CDH4: variants seen among roughly 807,000 people sequenced by gnomAD.
The protein encoded by CDH4 is cadherin-4.
Under a neutral mutation model 86.0 loss-of-function variants are expected in CDH4, and 33 were observed. That is an observed-to-expected ratio of 0.38 (90% confidence interval 0.29 to 0.51). The LOEUF (loss-of-function observed/expected upper bound fraction) is 0.51, where lower values mean the gene tolerates loss of function less well. CDH4 is among the 20% of genes least tolerant of loss of function. The probability of loss-of-function intolerance (pLI) is 0.86; values close to 1 mark genes in which losing one functional copy is unlikely to be tolerated. For missense variants in CDH4, 1,114 were observed against 1,307.4 expected (o/e 0.85, Z 2.28); for synonymous variants, 555 against 549.4 (o/e 1.01, Z -0.14).
intron 6 of CDH4, 92 bp from the exon 7 acceptor site, chr20:61,873,636 G>C: frequency 5.8e-6 from 8 of 1,380,052 alleles, no homozygotes; most frequent in South Asian, 1.3e-5. Flanking sequence ...CTCACGGAGA[G>C]CTCTGTGGTC....
At chr20:61,936,255 CCACACCACCCCTTGCCCTCTCCCA>C (rs1238191142) in intron 15 of CDH4, among the ~76,000 whole-genome samples, 2 of 148,084 alleles carry the variant, frequency 1.4e-5, no homozygotes, top group Non-Finnish European at 3.0e-5. Flanking sequence ...CTCACCTCCC[CCACACCACCCCTTGCCCTCTCCCA>C]CACCCCCCTG....
At chr20:61,418,257 C>G (rs150051762) in intron 2 of CDH4, among the ~76,000 whole-genome samples, 12,435 of 147,720 alleles carry the variant, frequency 0.084, 679 homozygotes, top group African/African-American at 0.16. Context: ...GTCCCCCAGG[C>G]TGGACTGCAG....
chr20:61,275,279 A>G (rs1348315143), intron 2 of CDH4, among the ~76,000 whole-genome samples: 3 of 113,790 alleles, frequency 2.6e-5, no homozygotes, highest in Non-Finnish European at 5.1e-5. Flanking sequence ...CACCATGCGC[A>G]GTTGGGGGGA....
At position 61,326,047 on chromosome 20, in the gene CDH4, A is replaced by G. The variant is rs544793737; in HGVS notation, c.169+71110A>G. On this transcript the variant is annotated intron_variant, in intron 2 of 15. Coordinates refer to ENST00000614565, the MANE Select transcript of CDH4 (RefSeq NM_001794.5). Reference sequence around the variant, plus strand: ...TACCCGTGATAGTAGTGGGAGTGGAACTCACTGTAACTACATTTTCCCTTC... The same window carrying G: ...TACCCGTGATAGTAGTGGGAGTGGAGCTCACTGTAACTACATTTTCCCTTC... Among the ~76,000 whole-genome samples, 9 of 152,312 alleles carry G rather than the reference A, an allele frequency of 5.9e-5. No individual in the cohort carries two copies. The East Asian group carries it at 1.7e-3, about 29-fold the overall frequency.
At chr20:61,379,216 C>A (rs1433682820) in intron 2 of CDH4, among the ~76,000 whole-genome samples, 2 of 152,010 alleles carry the variant, frequency 1.3e-5, no homozygotes, top group African/African-American at 4.8e-5. Context: ...AGATCTGCTC[C>A]TCGGAAGGGT....
At chr20:61,318,899 G>T (rs76061779) in intron 2 of CDH4, among the ~76,000 whole-genome samples, 1 of 152,290 alleles carries the variant, frequency 6.6e-6, no homozygotes. Flanking sequence ...CACAGATGCC[G>T]GTGGTAGAGA....
At chr20:61,365,545 A>C (rs1325082914) in intron 2 of CDH4, among the ~76,000 whole-genome samples, 1 of 151,946 alleles carries the variant, frequency 6.6e-6, no homozygotes, top group African/African-American at 2.4e-5. Flanking sequence ...GGGGGTAATG[A>C]GGGTGTGGAG....
intron 2 of CDH4, among the ~76,000 whole-genome samples, chr20:61,397,933 G>A (rs1185576272): frequency 6.6e-6 from 1 of 152,196 alleles, no homozygotes; most frequent in Non-Finnish European, 1.5e-5. Flanking sequence ...GTGTACAGAA[G>A]GGATATCACT....
chr20:61,686,383 A>G (rs6061736), intron 2 of CDH4, among the ~76,000 whole-genome samples: 13 of 147,772 alleles, frequency 8.8e-5, no homozygotes, highest in African/African-American at 3.3e-4. Flanking sequence ...ATGTGTGTAT[A>G]TGTGTGTGTG....
In CDH4 at chr20:61,334,057, G is replaced by T. The variant is rs577260705; in HGVS notation, c.169+79120G>T. ...GTCCCCTCTTCTCCAGCTTTGGAGG[G>T]TGTCCTGGCCTGTGCAGCTCTGGTC... is the stretch of plus-strand genomic sequence containing the variant. On this transcript the variant is annotated intron_variant, in intron 2 of 15. Transcript: ENST00000614565. 4.6e-5 allele frequency among the ~76,000 whole-genome samples: 7 copies of T among 152,312 alleles called. No homozygotes were observed. In the South Asian group the frequency reaches 1.4e-3, roughly 32 times the overall value.
intron 2 of CDH4, among the ~76,000 whole-genome samples, chr20:61,409,961 T>G (rs2085107742): frequency 6.6e-6 from 1 of 152,186 alleles, no homozygotes; most frequent in African/African-American, 2.4e-5. Flanking sequence ...TCACCACTTC[T>G]CCCAGAGGAG....
intron 2 of CDH4, among the ~76,000 whole-genome samples, chr20:61,381,261 C>T (rs528165949): frequency 6.6e-6 from 1 of 152,246 alleles, no homozygotes; most frequent in African/African-American, 2.4e-5. Flanking sequence ...ATAGGAGTTG[C>T]TGCTTATTTC....
intron 4 of CDH4, among the ~76,000 whole-genome samples, chr20:61,793,982 C>CA (rs60192209): frequency 0.53 from 75,617 of 142,340 alleles, 19,821 homozygotes; most frequent in African/African-American, 0.6. Context: ...ACTAAAAATA[C>CA]AAAAAAAAAA....
Position 61,305,690 on chromosome 20 carries a change from C to T in CDH4, c.169+50753C>T, listed in dbSNP as rs992833602. Among the ~76,000 whole-genome samples, 9 of 152,324 alleles carry T rather than the reference C, an allele frequency of 5.9e-5. No homozygotes were observed. The East Asian group carries it at 9.6e-4, about 16-fold the overall frequency. On this transcript the variant is annotated intron_variant, in intron 2 of 15. Coordinates refer to ENST00000614565, the MANE Select transcript of CDH4 (RefSeq NM_001794.5). ...CATTTCCAGATGTCATCCAGCTCAC[C>T]GCTCACGTGCACCTAAGTGGCTGGG...
chr20:61,837,736 C>T (rs546160776), intron 4 of CDH4, among the ~76,000 whole-genome samples: 68 of 145,718 alleles, frequency 4.7e-4, no homozygotes, highest in African/African-American at 1.5e-3. Context: ...CCCCCAGCGA[C>T]GCCGTTGTGA....
chr20:61,593,601 C>T (rs552115926), intron 2 of CDH4, among the ~76,000 whole-genome samples: 47 of 152,304 alleles, frequency 3.1e-4, no homozygotes, highest in Non-Finnish European at 6.0e-4. Context: ...ATGAGAGTCA[C>T]TCAGTTTGCT....
intron 2 of CDH4, among the ~76,000 whole-genome samples, chr20:61,282,076 C>T (rs2084261857): frequency 6.6e-6 from 1 of 152,312 alleles, no homozygotes; most frequent in Admixed American, 6.5e-5. Context: ...AAGAAATTCA[C>T]GGCTGGGCAT....
intron 3 of CDH4, among the ~76,000 whole-genome samples, chr20:61,769,572 G>A (rs1478527625): frequency 6.6e-6 from 1 of 152,202 alleles, no homozygotes; most frequent in African/African-American, 2.4e-5. Context: ...CAGGTGCTCT[G>A]GCCTTGGGGT....
At chr20:61,931,446 C>A (rs571345551) in intron 13 of CDH4, among the ~76,000 whole-genome samples, 2 of 152,260 alleles carry the variant, frequency 1.3e-5, no homozygotes, top group Non-Finnish European at 2.9e-5. Context: ...ATCCTCCTCA[C>A]GACATCAGGC....
Sources: gnomAD v4.1 joint callset for allele counts (sites outside exome capture counted in the v4.1 genomes callset) on GRCh38, gnomAD v4.1.1 for gene constraint, MANE v1.5 for transcripts, NCBI Gene and HGNC (gene_info 2026-07-23, HGNC 2026-07-21) for gene names.